The following SLC25A33 variants were observed in gnomAD, a reference collection of about 807,000 sequenced individuals.
The protein encoded by SLC25A33 is bone marrow stromal cell mitochondrial carrier protein.
Under a neutral mutation model 35.5 loss-of-function variants are expected in SLC25A33, and 15 were observed. The observed-to-expected ratio is 0.42, with a 90% confidence interval of 0.28 to 0.65. The LOEUF (loss-of-function observed/expected upper bound fraction) is 0.65, where lower values mean the gene tolerates loss of function less well. SLC25A33 is among the 30% of genes least tolerant of loss of function. The pLI, the probability that SLC25A33 is intolerant of heterozygous loss-of-function variation, is 0.20. For missense variants in SLC25A33, 257 were observed against 398.5 expected (o/e 0.64, Z 3.02); for synonymous variants, 136 against 148.7 (o/e 0.91, Z 0.62).
At chr1:9,555,891 G>A (rs1378222665) in intron 2 of SLC25A33, among the ~76,000 whole-genome samples, 1 of 152,144 alleles carries the variant, frequency 6.6e-6, no homozygotes, top group Non-Finnish European at 1.5e-5. Context: ...TACCATGTTG[G>A]CCAGGCTGGC....
At position 9,584,750 on chromosome 1, in the gene SLC25A33, C is replaced by G. The variant is rs1035373117; in HGVS notation, c.*2249C>G. The G allele has an allele frequency of 1.3e-5, 2 of 152,174 alleles. No individual in the cohort carries two copies. The highest frequency in any genetic ancestry group is 2.4e-5 in the African/African-American group (1 of 41,430). The allele number at this position is 152,174 out of a possible 1,614,324, so 9.4% of individuals were successfully genotyped here. ...TGTTGTTTTGAGACAAGGTATCACTCGATCACTGAAGCTGGATACAGTGGC... is the reference window on the plus strand; with the variant it reads ...TGTTGTTTTGAGACAAGGTATCACTGGATCACTGAAGCTGGATACAGTGGC... On this transcript the variant is annotated 3_prime_UTR_variant, in exon 7 of 7. Coordinates refer to ENST00000302692, the MANE Select transcript of SLC25A33 (RefSeq NM_032315.3).
At chr1:9,563,648 A>G (rs960519962) in intron 2 of SLC25A33, among the ~76,000 whole-genome samples, 1 of 152,224 alleles carries the variant, frequency 6.6e-6, no homozygotes, top group Non-Finnish European at 1.5e-5. Flanking sequence ...CTTTTCCATA[A>G]AGTGAAAGAC....
chr1:9,559,131 A>G (rs868448448), intron 2 of SLC25A33, among the ~76,000 whole-genome samples: 54 of 152,150 alleles, frequency 3.5e-4, no homozygotes, highest in African/African-American at 1.3e-3. Flanking sequence ...TGACCATGCT[A>G]TTTAAAAGCA....
At chr1:9,581,732 A>G (rs2100417461) in intron 6 of SLC25A33, among the ~76,000 whole-genome samples, 1 of 150,664 alleles carries the variant, frequency 6.6e-6, no homozygotes, top group Admixed American at 6.6e-5. Context: ...TCTGCCTCAA[A>G]AAAAAAAAAA....
At chr1:9,581,336 A>G (rs1042771335) in intron 6 of SLC25A33, among the ~76,000 whole-genome samples, 3 of 152,220 alleles carry the variant, frequency 2.0e-5, no homozygotes, top group Admixed American at 6.5e-5. Flanking sequence ...ATATAAGAAA[A>G]GAATTCGTTG....
At chr1:9,541,158 CT>C (rs1254595690) in intron 1 of SLC25A33, among the ~76,000 whole-genome samples, 190 of 132,988 alleles carry the variant, frequency 1.4e-3, no homozygotes, top group Middle Eastern at 8.1e-3. Context: ...TTTTTTTTTT[CT>C]TTTTTTTTTT....
intron 2 of SLC25A33, among the ~76,000 whole-genome samples, chr1:9,559,978 G>A (rs916967361): frequency 8.5e-5 from 13 of 152,160 alleles, no homozygotes; most frequent in South Asian, 4.1e-4. Flanking sequence ...AAGGCTGGGC[G>A]CAGTGGCTCA....
intron 1 of SLC25A33, among the ~76,000 whole-genome samples, chr1:9,549,419 G>T (rs528313210): frequency 1.8e-5 from 2 of 112,576 alleles, no homozygotes; most frequent in East Asian, 3.3e-4. Context: ...GGATCAATGG[G>T]GGGGGATGAA....
intron 2 of SLC25A33, among the ~76,000 whole-genome samples, chr1:9,564,739 A>AAAAAAAAAAAATAT (rs60174872): frequency 1.0e-5 from 1 of 96,584 alleles, no homozygotes; most frequent in African/African-American, 4.4e-5. Flanking sequence ...AAAAAAAAAA[A>AAAAAAAAAAAATAT]ATATATATAT....
intron 1 of SLC25A33, among the ~76,000 whole-genome samples, chr1:9,544,178 A>G (rs1415455385): frequency 6.6e-6 from 1 of 152,156 alleles, no homozygotes; most frequent in Non-Finnish European, 1.5e-5. Flanking sequence ...TCAAAATTCA[A>G]TGTTTTCCCA....
chr1:9,570,499 A>G, intron 4 of SLC25A33, 141 bp downstream of exon 4: 1 of 684,092 alleles, frequency 1.5e-6, no homozygotes, highest in Non-Finnish European at 2.5e-6. Context: ...TTATGTTACA[A>G]CCAATAGGAG....
chr1:9,539,772 G>A, intron 1 of SLC25A33, 25 bp downstream of exon 1: 2 of 1,352,282 alleles, frequency 1.5e-6, no homozygotes, highest in Non-Finnish European at 1.9e-6. Context: ...CCAGCCGCGC[G>A]CGCCCCACCG....
At chr1:9,566,214 A>G (rs1643503293) in intron 2 of SLC25A33, among the ~76,000 whole-genome samples, 1 of 151,846 alleles carries the variant, frequency 6.6e-6, no homozygotes, top group Non-Finnish European at 1.5e-5. Context: ...AATATTTTTC[A>G]TTTTTTGTAT....
At chr1:9,562,169 G>A (rs552289240) in intron 2 of SLC25A33, among the ~76,000 whole-genome samples, 3 of 152,058 alleles carry the variant, frequency 2.0e-5, no homozygotes, top group East Asian at 1.9e-4. Flanking sequence ...CCAACATGGT[G>A]AAACCCCATC....
At chr1:9,559,470 A>G (rs1468211568) in intron 2 of SLC25A33, among the ~76,000 whole-genome samples, 2 of 150,442 alleles carry the variant, frequency 1.3e-5, no homozygotes, top group African/African-American at 4.9e-5. Flanking sequence ...TATAATAGCT[A>G]CTCTCTGCTT....
At chr1:9,542,377 T>A (rs114471180) in intron 1 of SLC25A33, among the ~76,000 whole-genome samples, 105 of 152,274 alleles carry the variant, frequency 6.9e-4, no homozygotes, top group African/African-American at 2.4e-3. Context: ...TTTAACAAGT[T>A]TCCGTTCCTG....
At chr1:9,548,200 T>A (rs1390092542) in intron 1 of SLC25A33, among the ~76,000 whole-genome samples, 1 of 152,126 alleles carries the variant, frequency 6.6e-6, no homozygotes, top group Non-Finnish European at 1.5e-5. Flanking sequence ...AATCATACAC[T>A]GCTATGATTA....
chr1:9,578,369 G>A lies in SLC25A33; in HGVS notation c.483-1585G>A, dbSNP rs962169905. On this transcript the variant is annotated intron_variant, in intron 5 of 6. Transcript: ENST00000302692. The surrounding 1 kb of genome is among the most constrained non-coding windows in gnomAD (Gnocchi z 4.3). ...CCCAAGGGGCCCCAGGTCTGCGCCCGCTCGGAGGGGTCTGTGATGTGTGAC... is the reference window on the plus strand; with the variant it reads ...CCCAAGGGGCCCCAGGTCTGCGCCCACTCGGAGGGGTCTGTGATGTGTGAC... Among the ~76,000 whole-genome samples the A allele has an allele frequency of 1.3e-5, 2 of 152,212 alleles. No individual in the cohort carries two copies. The highest frequency in any genetic ancestry group is 2.9e-5 in the Non-Finnish European group (2 of 68,046).
intron 1 of SLC25A33, among the ~76,000 whole-genome samples, chr1:9,549,691 G>A (rs1233995890): frequency 6.6e-6 from 1 of 150,406 alleles, no homozygotes; most frequent in African/African-American, 2.5e-5. Flanking sequence ...TGCGAGATCG[G>A]CTCACTGTAA....
Sources: allele counts gnomAD v4.1 joint callset (sites outside exome capture counted in the v4.1 genomes callset), GRCh38; gene constraint gnomAD v4.1.1; non-coding constraint Gnocchi (gnomAD v3.1); transcripts MANE v1.5; gene names NCBI Gene and HGNC (gene_info 2026-07-23, HGNC 2026-07-21).